Variants in CPPED1 observed in about 807,000 individuals in gnomAD.
The protein encoded by CPPED1 is serine/threonine-protein phosphatase CPPED1.
In CPPED1, 28 loss-of-function variants were observed where a neutral mutation model predicts 28.0. The observed-to-expected ratio is 1.00, with a 90% CI of 0.74 to 1.37. CPPED1 has a LOEUF of 1.37. CPPED1 is among the 40% of genes most tolerant of loss of function. The pLI is 0.00. For synonymous variants in CPPED1, 198 were observed against 180.2 expected (o/e 1.10, Z -0.79); for missense variants, 504 against 416.5 (o/e 1.21, Z -1.83).
chr16:12,725,577 G>A (rs1309720609), intron 2 of CPPED1, among the ~76,000 whole-genome samples: 1 of 152,136 alleles, frequency 6.6e-6, no homozygotes, highest in Non-Finnish European at 1.5e-5. Flanking sequence ...AGGGGAGGGA[G>A]GAATGAGGAC....
intron 2 of CPPED1, among the ~76,000 whole-genome samples, chr16:12,713,767 C>A (rs577129961): frequency 6.6e-6 from 1 of 152,184 alleles, no homozygotes; most frequent in Admixed American, 6.5e-5. Context: ...TTCCTAATCT[C>A]CCCTCCACTA....
intron 2 of CPPED1, among the ~76,000 whole-genome samples, chr16:12,770,318 G>A (rs574436193): frequency 3.3e-5 from 5 of 152,278 alleles, no homozygotes; most frequent in South Asian, 2.1e-4. Flanking sequence ...ACAACAGCAC[G>A]TCTGAGGATG....
chr16:12,712,047 G>A (rs2080082874), intron 2 of CPPED1, among the ~76,000 whole-genome samples: 1 of 152,144 alleles, frequency 6.6e-6, no homozygotes. Flanking sequence ...ATGCAGGAAA[G>A]AACACACATG....
At chr16:12,732,391 A>G (rs1183822517) in intron 2 of CPPED1, among the ~76,000 whole-genome samples, 1 of 151,520 alleles carries the variant, frequency 6.6e-6, no homozygotes, top group African/African-American at 2.4e-5. Flanking sequence ...CCAGAACAAG[A>G]GGTCCAATAT....
chr16:12,675,630 G>A (rs1450686689), intron 3 of CPPED1, among the ~76,000 whole-genome samples: 1 of 152,198 alleles, frequency 6.6e-6, no homozygotes, highest in Admixed American at 6.5e-5. Context: ...CTTCTTTAAT[G>A]CCTTGGTGTT....
In CPPED1 at chr16:12,664,721, T is replaced by C. The variant is rs948563540; in HGVS notation, c.*165A>G. 1.8e-5 allele frequency: 27 copies of C among 1,459,524 alleles called. No individual in the cohort carries two copies. The South Asian group carries it at 2.6e-4, about 14-fold the overall frequency. 90.4% of individuals were successfully genotyped at this position (1,459,524 alleles called of 1,614,324 possible). A position where few individuals can be genotyped will look rare whatever the true frequency, so the allele number is the denominator to read the frequency against. Reference sequence around the variant, plus strand: ...AGGAAATGCAGTTCTATTTTGAATATAATTCAGGACAGGGCCCCAGCTCTC... The same window carrying C: ...AGGAAATGCAGTTCTATTTTGAATACAATTCAGGACAGGGCCCCAGCTCTC... On this transcript the variant is annotated 3_prime_UTR_variant, in exon 4 of 4. Transcript: ENST00000381774. The surrounding 1 kb of genome is among the most constrained non-coding windows in gnomAD (Gnocchi z 4.2).
At chr16:12,773,746 A>C (rs2080482513) in intron 2 of CPPED1, among the ~76,000 whole-genome samples, 1 of 152,182 alleles carries the variant, frequency 6.6e-6, no homozygotes, top group South Asian at 2.1e-4. Flanking sequence ...ACATAAAAAT[A>C]CACAAATAAA....
intron 2 of CPPED1, among the ~76,000 whole-genome samples, chr16:12,708,041 G>A (rs927957761): frequency 2.6e-5 from 4 of 152,168 alleles, no homozygotes; most frequent in Admixed American, 2.0e-4. Context: ...CAGCTACTCG[G>A]GAGGCTGAGG....
At chr16:12,677,213 G>A (rs541129624) in intron 3 of CPPED1, among the ~76,000 whole-genome samples, 1 of 152,232 alleles carries the variant, frequency 6.6e-6, no homozygotes, top group Non-Finnish European at 1.5e-5. Flanking sequence ...ACGACTGAAG[G>A]TCAGCTGGTG....
At chr16:12,737,276 G>A (rs2080231824) in intron 2 of CPPED1, among the ~76,000 whole-genome samples, 1 of 152,102 alleles carries the variant, frequency 6.6e-6, no homozygotes, top group Admixed American at 6.6e-5. Context: ...AAGGTGTAGG[G>A]CAACAAAGAT....
intron 2 of CPPED1, among the ~76,000 whole-genome samples, chr16:12,766,127 T>C (rs2080436471): frequency 6.6e-6 from 1 of 151,858 alleles, no homozygotes. Flanking sequence ...CAGAAGGCGT[T>C]CATTAGCTCC....
intron 1 of CPPED1, among the ~76,000 whole-genome samples, chr16:12,798,650 C>T (rs1002808592): frequency 6.6e-6 from 1 of 152,188 alleles, no homozygotes; most frequent in Admixed American, 6.5e-5. Flanking sequence ...TAGTCCAGTT[C>T]TCTGAAGGGA....
intron 3 of CPPED1, among the ~76,000 whole-genome samples, chr16:12,700,375 G>C (rs1288997658): frequency 6.6e-6 from 1 of 152,238 alleles, no homozygotes; most frequent in African/African-American, 2.4e-5. Flanking sequence ...GCTTCCCTAA[G>C]ACCAAAGGCC....
At chr16:12,757,758 C>T (rs2080380823) in intron 2 of CPPED1, 1 of 147,628 alleles carries the variant, frequency 6.8e-6, no homozygotes, top group Non-Finnish European at 1.5e-5. Context: ...ATGACAAGTC[C>T]TTCTAGCAGG....
intron 1 of CPPED1, among the ~76,000 whole-genome samples, chr16:12,791,892 T>TC (rs2080598806): frequency 6.6e-6 from 1 of 151,818 alleles, no homozygotes; most frequent in South Asian, 2.1e-4. Context: ...CATCAATGGA[T>TC]CCCCACTCAT....
intron 2 of CPPED1, among the ~76,000 whole-genome samples, chr16:12,762,917 A>T (rs1360725682): frequency 5.3e-5 from 8 of 152,006 alleles, no homozygotes; most frequent in Admixed American, 5.2e-4. Flanking sequence ...CTAATTAAAA[A>T]AAAAAAATTT....
At chr16:12,687,099 C>G (rs966779261) in intron 3 of CPPED1, among the ~76,000 whole-genome samples, 5 of 152,090 alleles carry the variant, frequency 3.3e-5, no homozygotes, top group African/African-American at 1.2e-4. Flanking sequence ...CCTCTTGTCC[C>G]ACAAAACCTA....
At chr16:12,693,812 A>G (rs1596448522) in intron 3 of CPPED1, among the ~76,000 whole-genome samples, 1 of 152,360 alleles carries the variant, frequency 6.6e-6, no homozygotes, top group East Asian at 1.9e-4. Flanking sequence ...AAAGGAGAAG[A>G]TATAATATTT....
intron 2 of CPPED1, among the ~76,000 whole-genome samples, chr16:12,732,896 A>G (rs1261041176): frequency 1.3e-5 from 2 of 152,170 alleles, no homozygotes; most frequent in Non-Finnish European, 2.9e-5. Context: ...AAAGGAGGCA[A>G]AGGTAGATCC....
Sources: allele counts gnomAD v4.1 joint callset (sites outside exome capture counted in the v4.1 genomes callset), GRCh38; gene constraint gnomAD v4.1.1; non-coding constraint Gnocchi (gnomAD v3.1); transcripts MANE v1.5; gene names NCBI Gene and HGNC (gene_info 2026-07-23, HGNC 2026-07-21).